The following SORCS3 variants were observed in gnomAD, a reference collection of about 807,000 sequenced individuals.
The protein encoded by SORCS3 is sortilin related VPS10 domain containing receptor 3, also known as VPS10 domain-containing receptor SorCS3.
A neutral mutation model predicts 146.3 loss-of-function variants in SORCS3; 57 were observed. The observed-to-expected ratio is 0.39, with a 90% CI of 0.31 to 0.49. The LOEUF (loss-of-function observed/expected upper bound fraction) is 0.49, where lower values mean the gene tolerates loss of function less well. SORCS3 is among the 20% of genes least tolerant of loss of function. The probability of loss-of-function intolerance (pLI) is 0.92; values close to 1 mark genes in which losing one functional copy is unlikely to be tolerated. For missense variants in SORCS3, 1,341 were observed against 1,575.5 expected, an observed-to-expected ratio of 0.85 and a Z score of 2.52; for synonymous variants, 653 against 618.5, an observed-to-expected ratio of 1.06 and a Z score of -0.83.
chr10:104,732,442 C>G (rs545369580), intron 1 of SORCS3, among the ~76,000 whole-genome samples: 26 of 152,268 alleles, frequency 1.7e-4, no homozygotes, highest in Admixed American at 3.9e-4. Context: ...GACGACACTG[C>G]TTTTAAAGAT....
At chr10:105,233,735 G>A (rs1398659601) in intron 20 of SORCS3, among the ~76,000 whole-genome samples, 1 of 152,170 alleles carries the variant, frequency 6.6e-6, no homozygotes, top group Non-Finnish European at 1.5e-5. Context: ...CAAAGGACAT[G>A]AACTCATCCT....
chr10:105,212,378 G>T (rs1441662543), intron 17 of SORCS3, among the ~76,000 whole-genome samples: 1 of 152,170 alleles, frequency 6.6e-6, no homozygotes, highest in East Asian at 1.9e-4. Flanking sequence ...AGAGATTGTG[G>T]TGTCAGAGAA....
At chr10:104,993,442 G>A (rs2055006186) in intron 4 of SORCS3, among the ~76,000 whole-genome samples, 1 of 152,238 alleles carries the variant, frequency 6.6e-6, no homozygotes, top group Non-Finnish European at 1.5e-5. Flanking sequence ...TTAATTTGAA[G>A]TGTTTGGTAG....
intron 13 of SORCS3, among the ~76,000 whole-genome samples, chr10:105,172,718 G>T (rs2056370188): frequency 6.6e-6 from 1 of 151,774 alleles, no homozygotes. Context: ...TACTCTTATT[G>T]TCAGTTTTTC....
intron 2 of SORCS3, among the ~76,000 whole-genome samples, chr10:104,890,410 C>T (rs1043932017): frequency 4.0e-5 from 6 of 151,592 alleles, no homozygotes; most frequent in East Asian, 1.9e-4. Context: ...TTCTATGTTT[C>T]GTTCACTTTC....
intron 1 of SORCS3, among the ~76,000 whole-genome samples, chr10:104,745,301 T>C (rs577083832): frequency 6.6e-6 from 1 of 152,230 alleles, no homozygotes; most frequent in East Asian, 1.9e-4. Flanking sequence ...AAAAAGCCTA[T>C]CAATTGAGAA....
At chr10:105,219,770 C>T (rs984067081) in intron 19 of SORCS3, among the ~76,000 whole-genome samples, 2 of 152,138 alleles carry the variant, frequency 1.3e-5, no homozygotes, top group African/African-American at 4.8e-5. Flanking sequence ...TCCTCTATTC[C>T]AAGGACTTGC....
intron 1 of SORCS3, among the ~76,000 whole-genome samples, chr10:104,655,107 G>T (rs546292827): frequency 9.2e-5 from 14 of 152,128 alleles, no homozygotes; most frequent in African/African-American, 2.2e-4. Context: ...TCAAAAATTA[G>T]CCAGGTGTGG....
At position 105,245,577 on chromosome 10, in the gene SORCS3, A is replaced by G; in HGVS notation, c.2904A>G (p.Thr968=). The change falls in exon 21 of 27, where the codon ACA becomes ACG. Residue 968 remains threonine (T), a synonymous_variant. Coordinates refer to ENST00000369701, the MANE Select transcript of SORCS3 (RefSeq NM_014978.3). ...CTTTGGACAGCAGCATTTCCTTCAC[A>G]TTCCTTGCAGAAGGAACCGACACCA... is the stretch of plus-strand genomic sequence containing the variant. ...LITLDSSISF[T]FLAEGTDTIT... 1 of 1,614,096 alleles carries G rather than the reference A, an allele frequency of 6.2e-7. No homozygotes were observed. The highest frequency in any genetic ancestry group is 8.5e-7 in the Non-Finnish European group (1 of 1,180,002).
intron 4 of SORCS3, among the ~76,000 whole-genome samples, chr10:104,989,664 T>TG (rs1415611929): frequency 2.6e-5 from 4 of 152,104 alleles, no homozygotes; most frequent in Middle Eastern, 3.4e-3. Context: ...GCAAGTGGGA[T>TG]GGGGGAGGAA....
chr10:105,077,553 CACACACACACACAG>C (rs773023985), intron 5 of SORCS3, among the ~76,000 whole-genome samples: 132 of 127,202 alleles, frequency 1.0e-3, no homozygotes, highest in Non-Finnish European at 1.0e-3. Context: ...CACACACACA[CACACACACACACAG>C]AGGGATGGTA....
intron 13 of SORCS3, among the ~76,000 whole-genome samples, chr10:105,169,352 G>A (rs1388771936): frequency 6.6e-6 from 1 of 152,092 alleles, no homozygotes; most frequent in Non-Finnish European, 1.5e-5. Context: ...AGAAGTGAAA[G>A]CAATGTCTGC....
chr10:104,974,381 G>A (rs1190632419), intron 3 of SORCS3, among the ~76,000 whole-genome samples: 1 of 152,156 alleles, frequency 6.6e-6, no homozygotes, highest in African/African-American at 2.4e-5. Context: ...GGGTGCTCCT[G>A]TATTGGGTGC....
chr10:104,952,669 T>C (rs1040825638), intron 3 of SORCS3, among the ~76,000 whole-genome samples: 3 of 152,194 alleles, frequency 2.0e-5, no homozygotes, highest in Admixed American at 6.5e-5. Context: ...CTGATAAAAG[T>C]CCACTTTTCC....
intron 4 of SORCS3, among the ~76,000 whole-genome samples, chr10:105,015,269 C>T (rs1468524821): frequency 6.6e-6 from 1 of 152,126 alleles, no homozygotes; most frequent in African/African-American, 2.4e-5. Context: ...ACAACCTACT[C>T]CTGGATATAA....
At chr10:104,730,088 CAAG>C (rs2016688745) in intron 1 of SORCS3, among the ~76,000 whole-genome samples, 1 of 152,148 alleles carries the variant, frequency 6.6e-6, no homozygotes, top group African/African-American at 2.4e-5. Flanking sequence ...TGGGAATGAA[CAAG>C]ATTCTAAGAG....
intron 1 of SORCS3, among the ~76,000 whole-genome samples, chr10:104,798,705 TA>T (rs1358859383): frequency 3.9e-5 from 6 of 152,188 alleles, no homozygotes; most frequent in African/African-American, 1.4e-4. Flanking sequence ...AAATGGGATC[TA>T]ATTAAACTAA....
rs556873870 is a variant in SORCS3, at chr10:104,645,310, G to A, written c.627+3356G>A. On this transcript the variant is annotated intron_variant, in intron 1 of 26. Coordinates refer to ENST00000369701, the MANE Select transcript of SORCS3 (RefSeq NM_014978.3). The stretch of plus-strand genomic sequence containing the variant: ...GGAGCCCAGTCCCCGTGGCTTACAG[G>A]GAAACAGAAAAACACATTATTCTGT... Among the ~76,000 whole-genome samples the A allele has an allele frequency of 2.0e-5, 3 of 152,220 alleles. No individual in the cohort carries two copies. In the East Asian group the frequency reaches 5.8e-4, roughly 29 times the overall value.
chr10:104,718,255 G>A (rs181176339), intron 1 of SORCS3, among the ~76,000 whole-genome samples: 3 of 152,318 alleles, frequency 2.0e-5, no homozygotes, highest in Admixed American at 2.0e-4. Context: ...CCTACCTGGT[G>A]TAGGCCTTTT....
Sources: allele counts gnomAD v4.1 joint callset (sites outside exome capture counted in the v4.1 genomes callset), GRCh38; gene constraint gnomAD v4.1.1; transcripts MANE v1.5; gene names NCBI Gene and HGNC (gene_info 2026-07-23, HGNC 2026-07-21).